ZNF718: variants seen among roughly 807,000 people sequenced by gnomAD.
ZNF718 encodes the protein zinc finger protein 718.
In ZNF718, 3 loss-of-function variants were observed where a neutral mutation model predicts 2.6. The observed-to-expected ratio is 1.16, with a 90% CI of 0.53 to 3.01. The LOEUF (loss-of-function observed/expected upper bound fraction) is 3.01. Ranked by LOEUF, ZNF718 falls within the 30% of genes most tolerant of loss-of-function variation. ZNF718 has a pLI of 0.03. For synonymous variants in ZNF718, 135 were observed against 77.9 expected (o/e 1.73, Z -3.86); for missense variants, 468 against 230.0 (o/e 2.03, Z -6.69).
In ZNF718 at chr4:162,044, T is replaced by C. The variant is rs1553815559; in HGVS notation, c.1359T>C (p.Cys453=). The change falls in exon 4 of 4, where the codon TGT becomes TGC. Residue 453 remains cysteine (C), a synonymous_variant. Coordinates refer to ENST00000510175, the MANE Select transcript of ZNF718 (RefSeq NM_001039127.6). ...KIHTVDKPYK[C]KECGKAFKQY... Reference sequence around the variant, plus strand: ...ACACTGTAGATAAACCCTACAAATGTAAAGAATGCGGGAAAGCTTTTAAGC... The same window carrying C: ...ACACTGTAGATAAACCCTACAAATGCAAAGAATGCGGGAAAGCTTTTAAGC... 4 of 777,218 alleles carry C rather than the reference T, an allele frequency of 5.1e-6. No homozygotes were observed. The highest frequency in any genetic ancestry group is 2.4e-6 in the Non-Finnish European group (1 of 416,028). 48.1% of individuals were successfully genotyped at this position (777,218 alleles called of 1,614,324 possible).
chr4:171,159 C>T (rs1237974533), intron 3 of ZNF718, among the ~76,000 whole-genome samples: 7 of 152,142 alleles, frequency 4.6e-5, no homozygotes, highest in Non-Finnish European at 1.0e-4. Context: ...TGCAGAACAG[C>T]GGATATTGGT....
intron 3 of ZNF718, among the ~76,000 whole-genome samples, chr4:138,338 A>G (rs1340360001): frequency 6.6e-6 from 1 of 152,104 alleles, no homozygotes; most frequent in African/African-American, 2.4e-5. Flanking sequence ...GTCTCTATGA[A>G]TTAGTTTAAT....
chr4:170,187 C>A (rs1553817702), intron 3 of ZNF718, among the ~76,000 whole-genome samples: 2 of 152,216 alleles, frequency 1.3e-5, no homozygotes, highest in African/African-American at 2.4e-5. Context: ...CCACTCTCTT[C>A]TGGCTTGTAG....
At chr4:170,360 C>G (rs555480618) in intron 3 of ZNF718, among the ~76,000 whole-genome samples, 1 of 152,128 alleles carries the variant, frequency 6.6e-6, no homozygotes, top group South Asian at 2.1e-4. Flanking sequence ...ATCTTTGTGG[C>G]GATCTCTGTA....
chr4:161,966 AT>A lies in ZNF718; in HGVS notation c.1282del (p.Cys428ValfsTer11). ...GAGAGAAACCCTACATATGTAAACA[AT>A]GTGGCAAAGCCTTTAAACAGTCCTC... is the stretch of plus-strand genomic sequence containing the variant. Reference protein sequence around the residue: ...TGEKPYICKQCGKAFKQSSHL... With the variant: ...TGEKPYICKQXGKAFKQSSHL... On this transcript the variant is annotated frameshift_variant, in exon 4 of 4. Coordinates refer to ENST00000510175, the MANE Select transcript of ZNF718 (RefSeq NM_001039127.6). LOFTEE classifies it low-confidence loss of function (END_TRUNC). 1.3e-6 allele frequency: 1 copy of A among 780,278 alleles called. No homozygotes were observed. The highest frequency in any genetic ancestry group is 1.3e-5 in the South Asian group (1 of 74,558). 48.3% of individuals were successfully genotyped at this position (780,278 alleles called of 1,614,324 possible).
chr4:170,939 C>T (rs1717211406), intron 3 of ZNF718, among the ~76,000 whole-genome samples: 3 of 152,100 alleles, frequency 2.0e-5, no homozygotes, highest in Admixed American at 1.3e-4. Context: ...TTAGAGTTTC[C>T]AGTTTTTCTG....
At chr4:195,040 A>G (rs1008805866) in intron 3 of ZNF718, among the ~76,000 whole-genome samples, 1 of 152,120 alleles carries the variant, frequency 6.6e-6, no homozygotes, top group Non-Finnish European at 1.5e-5. Context: ...GCTGGATTCT[A>G]GTGGTCCTTT....
intron 1 of ZNF718, 26 bp from the exon 2 acceptor site, chr4:130,762 G>T: frequency 3.1e-6 from 1 of 319,642 alleles, no homozygotes; most frequent in Non-Finnish European, 5.6e-6. Flanking sequence ...AAAGAATTCT[G>T]TCACTTGATA....
intron 3 of ZNF718, among the ~76,000 whole-genome samples, chr4:152,634 C>T (rs1254917130): frequency 6.6e-6 from 1 of 151,942 alleles, no homozygotes; most frequent in Non-Finnish European, 1.5e-5. Flanking sequence ...TAGTACATAA[C>T]AAAATGGAGT....
At chr4:153,824 T>G (rs1442435353) in intron 3 of ZNF718, among the ~76,000 whole-genome samples, 2 of 152,198 alleles carry the variant, frequency 1.3e-5, no homozygotes, top group Non-Finnish European at 2.9e-5. Flanking sequence ...ATCTATATAC[T>G]GAACAGAACA....
chr4:147,373 G>C (rs1274183822), intron 3 of ZNF718, among the ~76,000 whole-genome samples: 1 of 152,148 alleles, frequency 6.6e-6, no homozygotes, highest in Non-Finnish European at 1.5e-5. Context: ...CTATAAACTA[G>C]TTTGGGGAGG....
At chr4:201,390 G>A (rs1430398882) in intron 4 of ZNF718, 6 of 152,432 alleles carry the variant, frequency 3.9e-5, no homozygotes, top group African/African-American at 1.4e-4. Flanking sequence ...TGGTGGGGTG[G>A]TTAGGTAGGA....
chr4:164,542 C>G (rs9684660), downstream of ZNF718, among the ~76,000 whole-genome samples: 1,934 of 152,018 alleles, frequency 0.013, 47 homozygotes, highest in African/African-American at 0.044. Context: ...TCACTTGTTT[C>G]TCATAGTTTT....
intron 1 of ZNF718, chr4:125,314 A>G (rs1169025237): frequency 1.3e-5 from 2 of 152,490 alleles, no homozygotes; most frequent in African/African-American, 4.8e-5. Flanking sequence ...GTTCTGCCAC[A>G]TTATTGAACT....
In ZNF718 at chr4:133,192, AAAAATATATATATATATAT is replaced by A. The variant is rs1253683490; in HGVS notation, c.226+1689_226+1707del. Among the ~76,000 whole-genome samples the A allele has an allele frequency of 8.0e-4, 18 of 22,474 alleles. 6 individuals are homozygous for A. Among genetic ancestry groups the A allele is most frequent in the African/African-American group, 3.7e-3 (18 of 4,850 alleles). 14.7% of individuals were successfully genotyped at this position (22,474 alleles called of 152,430 possible). On this transcript the variant is annotated intron_variant, in intron 3 of 3. Transcript: ENST00000510175. ...GACTCCATCTTAAAAAAAAAAAAAA[AAAAATATATATATATATAT>A]ATATATATATATATATATGGTAACA...
intron 3 of ZNF718, among the ~76,000 whole-genome samples, chr4:146,097 A>G (rs1369311206): frequency 6.7e-6 from 1 of 150,096 alleles, no homozygotes; most frequent in Non-Finnish European, 1.5e-5. Flanking sequence ...ATATATATAT[A>G]TATGTTTTCC....
chr4:150,906 G>A (rs1006851986), intron 3 of ZNF718, among the ~76,000 whole-genome samples: 3 of 152,046 alleles, frequency 2.0e-5, no homozygotes, highest in South Asian at 2.1e-4. Context: ...GTGTGTGTGT[G>A]TGTAGTCATC....
intron 3 of ZNF718, among the ~76,000 whole-genome samples, chr4:174,734 A>G (rs896904859): frequency 4.6e-5 from 7 of 152,188 alleles, no homozygotes; most frequent in African/African-American, 1.7e-4. Context: ...AGTAGAATAG[A>G]AAAAATTCAA....
intron 3 of ZNF718, among the ~76,000 whole-genome samples, chr4:186,208 G>A (rs960644591): frequency 1.3e-5 from 2 of 152,076 alleles, no homozygotes; most frequent in African/African-American, 2.4e-5. Context: ...GTATTTGCTT[G>A]TCTGAAAAAA....
Sources: allele counts gnomAD v4.1 joint callset (sites outside exome capture counted in the v4.1 genomes callset), GRCh38; gene constraint gnomAD v4.1.1; transcripts MANE v1.5; gene names NCBI Gene and HGNC (gene_info 2026-07-23, HGNC 2026-07-21).